CASTOR2: variants seen among roughly 807,000 people sequenced by gnomAD.
CASTOR2 encodes cytosolic arginine sensor for mTORC1 subunit 2.
Under a neutral mutation model 31.2 loss-of-function variants are expected in CASTOR2, and 8 were observed. The ratio of observed to expected loss-of-function variants is 0.26; its 90% CI spans 0.15 to 0.46. The LOEUF (loss-of-function observed/expected upper bound fraction) is 0.46, where lower values mean the gene tolerates loss of function less well. Among genes scored for constraint, CASTOR2 ranks in the 20% least tolerant of loss-of-function variants. CASTOR2 has a pLI of 0.99. For synonymous variants in CASTOR2, 162 were observed against 158.7 expected (o/e 1.02, Z -0.16); for missense variants, 216 against 382.1 (o/e 0.57, Z 3.62).
chr7:74,988,966 T>TTC, intron 1 of CASTOR2, among the ~76,000 whole-genome samples: 1 of 123,250 alleles, frequency 8.1e-6, no homozygotes, highest in East Asian at 2.0e-4. Flanking sequence ...GAATTTTTCT[T>TTC]TTTTTTTTTT....
rs1335114046 is a variant in CASTOR2 at position 74,995,511 on chromosome 7, G to GAAAAAAAAAAAA, written c.114-12480_114-12469dup. Among the ~76,000 whole-genome samples the GAAAAAAAAAAAA allele has an allele frequency of 3.4e-4, 30 of 88,454 alleles. 2 individuals carry two copies. The highest frequency in any genetic ancestry group is 1.3e-3 in the African/African-American group (25 of 18,834). The allele number at this position is 88,454 out of a possible 152,430, so 58.0% of individuals were successfully genotyped here. ...TGAGACCCTGTCTTTACAAAAAAAT[G>GAAAAAAAAAAAA]AAAAAAAAAAAAAAGGCCGGGTGCG... On this transcript the variant is annotated intron_variant, in intron 1 of 8. Transcript: ENST00000616305.
chr7:74,973,358 T>TG (rs1803726457), intron 1 of CASTOR2, among the ~76,000 whole-genome samples: 2 of 115,696 alleles, frequency 1.7e-5, no homozygotes, highest in Non-Finnish European at 3.5e-5. Flanking sequence ...TTTTTTTTTT[T>TG]GAGACAGAGT....
intron 1 of CASTOR2, among the ~76,000 whole-genome samples, chr7:75,007,699 A>C (rs1804637008): frequency 6.6e-6 from 1 of 151,978 alleles, no homozygotes; most frequent in African/African-American, 2.4e-5. Flanking sequence ...CTCCGAGAAA[A>C]CTTGGGATCT....
rs1451030348 is a variant in CASTOR2 at position 75,006,763 on chromosome 7, C to G, written c.114-1231C>G. Among the ~76,000 whole-genome samples the G allele has an allele frequency of 2.0e-5, 3 of 152,064 alleles. No individual in the cohort carries two copies. The East Asian group carries it at 5.8e-4, about 29-fold the overall frequency. On this transcript the variant is annotated intron_variant, in intron 1 of 8. Coordinates refer to ENST00000616305, the MANE Select transcript of CASTOR2 (RefSeq NM_001145064.3). Reference sequence around the variant, plus strand: ...TGATGGTTTTATAAAGGGTAGTTCCCCTGCACATGCTCTCTTGCCTGTTGC... The same window carrying G: ...TGATGGTTTTATAAAGGGTAGTTCCGCTGCACATGCTCTCTTGCCTGTTGC...
Position 75,027,833 on chromosome 7 carries a change from C to G in CASTOR2, c.*3134C>G. On this transcript the variant is annotated 3_prime_UTR_variant, in exon 9 of 9. Transcript: ENST00000616305. ...TAGTCTTGGTTTGGTCTCCACAGCT[C>G]TTCGGGGTGGGGTGTGAGTGTGGTT... is the stretch of plus-strand genomic sequence containing the variant. The G allele has an allele frequency of 1.5e-6, 1 of 658,278 alleles. No individual in the cohort carries two copies. Among genetic ancestry groups the G allele is most frequent in the South Asian group, 1.7e-5 (1 of 58,022 alleles). The allele number at this position is 658,278 out of a possible 1,614,324, so 40.8% of individuals were successfully genotyped here.
At chr7:75,010,883 C>T (rs1426069849) in intron 2 of CASTOR2, among the ~76,000 whole-genome samples, 1 of 151,568 alleles carries the variant, frequency 6.6e-6, no homozygotes, top group East Asian at 1.9e-4. Flanking sequence ...GACAGAGTCT[C>T]ACTCTGTCAC....
At chr7:75,008,107 G>A (rs1554438958) in intron 2 of CASTOR2, 43 bp downstream of exon 2, 22 of 1,611,760 alleles carry the variant, frequency 1.4e-5, no homozygotes, top group African/African-American at 9.4e-5. Flanking sequence ...ACCATGCCCC[G>A]AAGTCAGGGC....
At chr7:75,004,311 T>C (rs1804561955) in intron 1 of CASTOR2, among the ~76,000 whole-genome samples, 1 of 152,176 alleles carries the variant, frequency 6.6e-6, no homozygotes, top group Non-Finnish European at 1.5e-5. Context: ...AAATTGGATA[T>C]GGGACAGGCA....
chr7:74,991,643 C>T (rs1258134173), intron 1 of CASTOR2, among the ~76,000 whole-genome samples: 74 of 152,128 alleles, frequency 4.9e-4, no homozygotes, highest in Admixed American at 3.0e-3. Context: ...TAGGCACTGA[C>T]GGTTGGAGGG....
chr7:75,000,322 G>A (rs1219632735), intron 1 of CASTOR2, among the ~76,000 whole-genome samples: 1 of 152,120 alleles, frequency 6.6e-6, no homozygotes, highest in Non-Finnish European at 1.5e-5. Context: ...GGCAGGGGTG[G>A]GCGGTCTCCA....
chr7:75,020,636 G>GC (rs1469781440), intron 6 of CASTOR2, among the ~76,000 whole-genome samples: 16 of 151,682 alleles, frequency 1.1e-4, no homozygotes, highest in Admixed American at 2.0e-4. Context: ...GACTACAGGC[G>GC]CCGCCACCAC....
rs1344919228 is a variant in CASTOR2 at position 74,964,746 on chromosome 7, G to GCTCGGCCC, written c.-233_-226dup. ...GGGCGCCGCGCGCCGCTGCTCCGCC[G>GCTCGGCCC]CTCGGCCCCTCGGCTGCTGCTCCGC... On this transcript the variant is annotated 5_prime_UTR_variant, in exon 1 of 9. Coordinates refer to ENST00000616305, the MANE Select transcript of CASTOR2 (RefSeq NM_001145064.3). 1 of 90,292 alleles carries GCTCGGCCC rather than the reference G, an allele frequency of 1.1e-5. No homozygotes were observed. The highest frequency in any genetic ancestry group is 4.3e-5 in the African/African-American group (1 of 23,054). 5.6% of individuals were successfully genotyped at this position (90,292 alleles called of 1,614,324 possible). A position where few individuals can be genotyped will look rare whatever the true frequency, so the allele number is the denominator to read the frequency against.
At chr7:74,992,421 G>A (rs1253101660) in intron 1 of CASTOR2, among the ~76,000 whole-genome samples, 2 of 152,102 alleles carry the variant, frequency 1.3e-5, no homozygotes, top group Admixed American at 1.3e-4. Flanking sequence ...GAGCAACATC[G>A]TGAGACCCTG....
intron 1 of CASTOR2, among the ~76,000 whole-genome samples, chr7:74,975,691 CAAAAAAA>C (rs1178211684): frequency 3.0e-5 from 2 of 67,552 alleles, no homozygotes; most frequent in Admixed American, 1.6e-4. Context: ...GACTCCATGT[CAAAAAAA>C]AAAAAAAAAA....
Position 75,013,469 on chromosome 7 carries a change from C to T in CASTOR2, c.185-4129C>T, listed in dbSNP as rs587631802. ...AGCAGGTTGGGCAACATGGCAAAGC[C>T]CCGTCTCTACAAACAATACAAAAAT... is the stretch of plus-strand genomic sequence containing the variant. On this transcript the variant is annotated intron_variant, in intron 2 of 8. Coordinates refer to ENST00000616305, the MANE Select transcript of CASTOR2 (RefSeq NM_001145064.3). Among the ~76,000 whole-genome samples the T allele has an allele frequency of 2.6e-4, 38 of 144,262 alleles. 1 individual carries two copies. The South Asian group carries it at 7.7e-3, about 29-fold the overall frequency. The allele number at this position is 144,262 out of a possible 152,430, so 94.6% of individuals were successfully genotyped here. A position where few individuals can be genotyped will look rare whatever the true frequency, so the allele number is the denominator to read the frequency against.
chr7:75,013,681 C>CAGTATGTCTGT (rs1301362296), intron 2 of CASTOR2, among the ~76,000 whole-genome samples: 4 of 151,918 alleles, frequency 2.6e-5, no homozygotes, highest in African/African-American at 7.3e-5. Context: ...CAAATGGATG[C>CAGTATGTCTGT]AGTATGTCTG....
chr7:75,028,341 G>A lies in CASTOR2; in HGVS notation c.*3642G>A, dbSNP rs1467950012. 2.6e-5 allele frequency among the ~76,000 whole-genome samples: 4 copies of A among 152,036 alleles called. No individual in the cohort carries two copies. The highest frequency in any genetic ancestry group is 9.7e-5 in the African/African-American group (4 of 41,376). ...TCACCATGTTGGCCACGCTGGTCTT[G>A]AACTCCTGACCTCAAGTGATCCACC... On this transcript the variant is annotated 3_prime_UTR_variant, in exon 9 of 9. Transcript: ENST00000616305.
At chr7:74,994,714 C>T (rs1804297790) in intron 1 of CASTOR2, among the ~76,000 whole-genome samples, 1 of 151,518 alleles carries the variant, frequency 6.6e-6, no homozygotes, top group Admixed American at 6.6e-5. Context: ...TGTGTCGCTG[C>T]ACTCCAGCCT....
rs1257800121 is a variant in CASTOR2, at chr7:75,026,196, T to G, written c.*1497T>G. Among the ~76,000 whole-genome samples the G allele has an allele frequency of 7.2e-6, 1 of 138,404 alleles. No homozygotes were observed. The highest frequency in any genetic ancestry group is 1.6e-5 in the Non-Finnish European group (1 of 63,612). The allele number at this position is 138,404 out of a possible 152,430, so 90.8% of individuals were successfully genotyped here. ...GTTTTGGCTCTGGCGGGGGTTTTTT[T>G]TTTTTTTTTTGAGATGGGAGTCTGG... On this transcript the variant is annotated 3_prime_UTR_variant, in exon 9 of 9. Transcript: ENST00000616305.
Sources: allele counts gnomAD v4.1 joint callset (sites outside exome capture counted in the v4.1 genomes callset), GRCh38; gene constraint gnomAD v4.1.1; transcripts MANE v1.5; gene names NCBI Gene and HGNC (gene_info 2026-07-23, HGNC 2026-07-21).